Variants in ANKHD1 observed in about 807,000 individuals in gnomAD.
The protein encoded by ANKHD1 is ankyrin repeat and KH domain containing 1, also known as ankyrin repeat and KH domain-containing protein 1.
A neutral mutation model predicts 230.5 loss-of-function variants in ANKHD1; 31 were observed. The ratio of observed to expected loss-of-function variants is 0.13; its 90% CI spans 0.10 to 0.18. The LOEUF (loss-of-function observed/expected upper bound fraction) is 0.18. Ranked by LOEUF, ANKHD1 falls within the 10% of genes least tolerant of loss-of-function variation. The probability of loss-of-function intolerance (pLI) is 1.00; values close to 1 mark genes in which losing one functional copy is unlikely to be tolerated. For missense variants in ANKHD1, 2,256 were observed against 3,071.3 expected, an observed-to-expected ratio of 0.73 and a Z score of 6.27; for synonymous variants, 1,074 against 1,117.6, an observed-to-expected ratio of 0.96 and a Z score of 0.78.
At chr5:140,498,525 A>ATG (rs1752136184) in intron 15 of ANKHD1, among the ~76,000 whole-genome samples, 2 of 152,342 alleles carry the variant, frequency 1.3e-5, no homozygotes, top group South Asian at 4.1e-4. Context: ...ATTCTGGGAA[A>ATG]TGTTTTAAGG....
At chr5:140,407,947 C>T (rs912281365) in intron 1 of ANKHD1, among the ~76,000 whole-genome samples, 5 of 152,208 alleles carry the variant, frequency 3.3e-5, no homozygotes, top group East Asian at 1.9e-4. Flanking sequence ...GAGGCCAAAG[C>T]GGATGGATCA....
Position 140,436,148 on chromosome 5 carries a change from G to A in ANKHD1, c.351G>A (p.Val117=). 4 of 1,602,702 alleles carry A rather than the reference G, an allele frequency of 2.5e-6. No individual in the cohort carries two copies. Among genetic ancestry groups the A allele is most frequent in the Non-Finnish European group, 3.4e-6 (4 of 1,174,920 alleles). The stretch of plus-strand genomic sequence containing the variant: ...ACCAAGAAGATCTGGATAACCCAGT[G>A]CTTAAAACAACATCAGAGATATTCT... ...ILDQEDLDNP[V]LKTTSEIFLS... is the part of the protein sequence containing the mutation. Residue 117 remains valine (V), a synonymous_variant, in exon 2 of 34, where the codon GTG becomes GTA. Coordinates refer to ENST00000360839, the MANE Select transcript of ANKHD1 (RefSeq NM_017747.3).
chr5:140,405,600 T>C (rs187872314), intron 1 of ANKHD1, among the ~76,000 whole-genome samples: 323 of 152,314 alleles, frequency 2.1e-3, no homozygotes, highest in Non-Finnish European at 3.6e-3. Context: ...AATACTAAAA[T>C]CCTCCGTCTC....
Position 140,458,731 on chromosome 5 carries a change from A to G in ANKHD1, c.1349A>G (p.His450Arg). The G allele has an allele frequency of 6.2e-7, 1 of 1,613,356 alleles. No individual in the cohort carries two copies. The highest frequency in any genetic ancestry group is 8.5e-7 in the Non-Finnish European group (1 of 1,179,758). The part of the protein sequence containing the change: ...SPLTLAACGG[H>R]VELAALLIER... ...TTGACGCTAGCTGCCTGTGGAGGAC[A>G]TGTTGAATTGGCAGCTCTACTTATT... is the stretch of plus-strand genomic sequence containing the variant. Residue 450 changes from histidine to arginine, a missense_variant, in exon 8 of 34, where the codon CAT (histidine) becomes CGT (arginine). His to Arg is a conservative substitution (Grantham distance 29, BLOSUM62 0). This residue lies in a region of ANKHD1 where 179 missense variants were observed against 261.8 expected (regional missense o/e 0.68). Coordinates refer to ENST00000360839, the MANE Select transcript of ANKHD1 (RefSeq NM_017747.3).
At chr5:140,431,692 C>T (rs1773057932) in intron 1 of ANKHD1, among the ~76,000 whole-genome samples, 1 of 152,136 alleles carries the variant, frequency 6.6e-6, no homozygotes, top group Non-Finnish European at 1.5e-5. Flanking sequence ...CTCTTGATCT[C>T]CAGTGTAATA....
Position 140,402,081 on chromosome 5 carries a change from T to C in ANKHD1, c.114T>C (p.Gly38=). 1 of 1,504,334 alleles carries C rather than the reference T, an allele frequency of 6.6e-7. No individual in the cohort carries two copies. Among genetic ancestry groups the C allele is most frequent in the African/African-American group, 1.5e-5 (1 of 68,322 alleles). 93.2% of individuals were successfully genotyped at this position (1,504,334 alleles called of 1,614,324 possible). ...ASEPPPPGGV[G]LGIRTVRLFG... The stretch of plus-strand genomic sequence containing the variant: ...AGCCGCCTCCGCCGGGAGGGGTCGG[T>C]CTGGGGATCCGCACCGTGAGGCTCT... Residue 38 remains glycine, a synonymous_variant, in exon 1 of 34, where the codon GGT becomes GGC. Transcript: ENST00000360839.
chr5:140,416,195 T>C (rs1440935460), intron 1 of ANKHD1, among the ~76,000 whole-genome samples: 1 of 152,206 alleles, frequency 6.6e-6, no homozygotes, highest in Admixed American at 6.5e-5. Context: ...CATTGATGGA[T>C]GTTTGGGTTG....
chr5:140,507,012 A>G lies in ANKHD1; in HGVS notation c.3551+35A>G, dbSNP rs776167934. The G allele has an allele frequency of 6.2e-7, 1 of 1,605,078 alleles. No homozygotes were observed. Among genetic ancestry groups the G allele is most frequent in the Admixed American group, 1.7e-5 (1 of 57,610 alleles). ...GTTCATTTTATTGTTCATGTTTAGT[A>G]AGTTACTACTTTGGACTTAAATGTC... On this transcript the variant is annotated intron_variant, in intron 19 of 33. Coordinates refer to ENST00000360839, the MANE Select transcript of ANKHD1 (RefSeq NM_017747.3). The surrounding 1 kb of genome is among the most constrained non-coding windows in gnomAD (Gnocchi z 4.1).
intron 1 of ANKHD1, among the ~76,000 whole-genome samples, chr5:140,422,426 A>G (rs1239191021): frequency 6.6e-6 from 1 of 152,152 alleles, no homozygotes; most frequent in Non-Finnish European, 1.5e-5. Context: ...CACCTGGCCT[A>G]GAGTGGATTT....
At chr5:140,421,527 C>T (rs1771982325) in intron 1 of ANKHD1, among the ~76,000 whole-genome samples, 1 of 152,100 alleles carries the variant, frequency 6.6e-6, no homozygotes, top group Non-Finnish European at 1.5e-5. Context: ...TCTCAAACTC[C>T]TGACCTCAAG....
chr5:140,476,153 G>A (rs1222547556), intron 10 of ANKHD1, among the ~76,000 whole-genome samples: 1 of 151,896 alleles, frequency 6.6e-6, no homozygotes, highest in Non-Finnish European at 1.5e-5. Context: ...TAGTGAATGA[G>A]TGATAAAACA....
intron 1 of ANKHD1, among the ~76,000 whole-genome samples, chr5:140,431,259 G>GT (rs1258082485): frequency 4.6e-5 from 7 of 152,090 alleles, no homozygotes; most frequent in East Asian, 3.9e-4. Context: ...CTCATTCTGG[G>GT]TTTTTTTCCC....
intron 7 of ANKHD1, among the ~76,000 whole-genome samples, chr5:140,453,805 C>T (rs1053584815): frequency 1.6e-4 from 25 of 152,312 alleles, no homozygotes; most frequent in African/African-American, 4.8e-4. Flanking sequence ...ACTGCATCAA[C>T]TAACAAGCAA....
At chr5:140,512,129 C>T (rs925038164) in intron 22 of ANKHD1, among the ~76,000 whole-genome samples, 4 of 151,384 alleles carry the variant, frequency 2.6e-5, no homozygotes, top group Admixed American at 1.3e-4. Context: ...TCAGCTACTC[C>T]GGAGGCTGAG....
Position 140,538,280 on chromosome 5 carries a change from CTG to C in ANKHD1, c.7404+21_7404+22del, listed in dbSNP as rs758789339. 1.9e-6 allele frequency: 3 copies of C among 1,610,890 alleles called. No homozygotes were observed. The East Asian group carries it at 6.7e-5, about 36-fold the overall frequency. ...TTCTAAAGTGAGTTGACAAACATCACTGTAACTTGATTGACACTTTGTCAGCC... is the reference window on the plus strand; with the variant it reads ...TTCTAAAGTGAGTTGACAAACATCACTAACTTGATTGACACTTTGTCAGCC... On this transcript the variant is annotated intron_variant, in intron 32 of 33. Transcript: ENST00000360839.
At chr5:140,508,480 G>A (rs182607229) in intron 20 of ANKHD1, among the ~76,000 whole-genome samples, 7 of 152,010 alleles carry the variant, frequency 4.6e-5, no homozygotes, top group South Asian at 4.2e-4. Context: ...GAGGCTGGGC[G>A]CGGTGGCTCA....
chr5:140,478,946 G>A (rs969277769), intron 10 of ANKHD1, among the ~76,000 whole-genome samples: 1 of 150,310 alleles, frequency 6.7e-6, no homozygotes, highest in African/African-American at 2.4e-5. Flanking sequence ...GCCTGGCCAA[G>A]AAATAGATAC....
chr5:140,522,654 G>C (rs1753403641), intron 24 of ANKHD1, among the ~76,000 whole-genome samples: 1 of 152,100 alleles, frequency 6.6e-6, no homozygotes, highest in Admixed American at 6.6e-5. Context: ...GTATGAAAAT[G>C]TTTTTATTTC....
At chr5:140,530,654 C>T (rs1313164890) in intron 29 of ANKHD1, among the ~76,000 whole-genome samples, 3 of 152,172 alleles carry the variant, frequency 2.0e-5, no homozygotes, top group Admixed American at 2.0e-4. Context: ...GATCTGAGGT[C>T]AGTTTTGGCT....
Sources: gnomAD v4.1 joint callset for allele counts (sites outside exome capture counted in the v4.1 genomes callset) on GRCh38, gnomAD v4.1.1 for gene constraint, gnomAD v4.1.1 regional missense constraint, Gnocchi (gnomAD v3.1) non-coding constraint, MANE v1.5 for transcripts, NCBI Gene and HGNC (gene_info 2026-07-23, HGNC 2026-07-21) for gene names.